SGCZ: variants seen among roughly 807,000 people sequenced by gnomAD.
SGCZ encodes the protein sarcoglycan zeta.
In SGCZ, 40 loss-of-function variants were observed where a neutral mutation model predicts 41.3. The observed-to-expected ratio is 0.97, with a 90% CI of 0.75 to 1.26. The LOEUF is 1.26. Among genes scored for constraint, SGCZ ranks in the 50% most tolerant of loss-of-function variants. SGCZ has a pLI of 0.00. For synonymous variants in SGCZ, 206 were observed against 137.5 expected, an observed-to-expected ratio of 1.50 and a Z score of -3.49; for missense variants, 552 against 369.8, an observed-to-expected ratio of 1.49 and a Z score of -4.04.
chr8:14,943,739 C>A (rs572613318), intron 1 of SGCZ, among the ~76,000 whole-genome samples: 1 of 152,240 alleles, frequency 6.6e-6, no homozygotes, highest in South Asian at 2.1e-4. Flanking sequence ...CCAAACTTCA[C>A]CCTCAAGTAG....
intron 2 of SGCZ, among the ~76,000 whole-genome samples, chr8:14,398,102 T>C (rs562281138): frequency 6.6e-6 from 1 of 152,150 alleles, no homozygotes; most frequent in African/African-American, 2.4e-5. Context: ...TCAATTGACA[T>C]CAAGTAGTCT....
At chr8:14,097,008 C>G (rs1474938954) in intron 7 of SGCZ, among the ~76,000 whole-genome samples, 2 of 151,860 alleles carry the variant, frequency 1.3e-5, no homozygotes, top group African/African-American at 4.8e-5. Context: ...CTTTATTAGT[C>G]TGGCTAGCGG....
At chr8:14,977,942 G>C (rs1242413746) in intron 1 of SGCZ, among the ~76,000 whole-genome samples, 4 of 150,586 alleles carry the variant, frequency 2.7e-5, no homozygotes, top group Non-Finnish European at 5.9e-5. Context: ...TCTAAATATT[G>C]TTTATTTTTT....
chr8:15,002,656 C>G (rs769166973), intron 1 of SGCZ, among the ~76,000 whole-genome samples: 4 of 152,074 alleles, frequency 2.6e-5, no homozygotes, highest in African/African-American at 4.8e-5. Flanking sequence ...CCTTCTCAAG[C>G]TTTTTGGGGG....
At chr8:14,671,677 A>T (rs988281746) in intron 1 of SGCZ, among the ~76,000 whole-genome samples, 5 of 152,166 alleles carry the variant, frequency 3.3e-5, no homozygotes, top group African/African-American at 1.2e-4. Flanking sequence ...CTTAACATTC[A>T]AACCATGCAT....
At chr8:14,372,528 A>G (rs1803951994) in intron 2 of SGCZ, among the ~76,000 whole-genome samples, 1 of 152,180 alleles carries the variant, frequency 6.6e-6, no homozygotes, top group African/African-American at 2.4e-5. Flanking sequence ...GCTGGTAAAA[A>G]GGGCCATGAA....
At chr8:14,861,899 A>C (rs990035981) in intron 1 of SGCZ, among the ~76,000 whole-genome samples, 1 of 152,158 alleles carries the variant, frequency 6.6e-6, no homozygotes, top group Non-Finnish European at 1.5e-5. Context: ...AGGATGGAAA[A>C]TACATGTAAT....
At chr8:14,310,087 G>A (rs13255247) in intron 3 of SGCZ, among the ~76,000 whole-genome samples, 6 of 151,902 alleles carry the variant, frequency 3.9e-5, no homozygotes, top group Non-Finnish European at 7.4e-5. Context: ...TATTTTGCTG[G>A]TTTGAAAGAT....
chr8:15,107,688 C>T (rs1256196405), intron 1 of SGCZ, among the ~76,000 whole-genome samples: 1 of 152,056 alleles, frequency 6.6e-6, no homozygotes, highest in African/African-American at 2.4e-5. Flanking sequence ...GTTACCCAGC[C>T]TCAGGTATTC....
At chr8:15,197,379 T>G (rs953881905) in intron 1 of SGCZ, among the ~76,000 whole-genome samples, 2 of 152,202 alleles carry the variant, frequency 1.3e-5, no homozygotes, top group Non-Finnish European at 2.9e-5. Flanking sequence ...TCACGAAAAC[T>G]AAGTTTCATT....
intron 2 of SGCZ, among the ~76,000 whole-genome samples, chr8:14,483,080 C>T (rs1374441342): frequency 6.6e-6 from 1 of 152,148 alleles, no homozygotes; most frequent in African/African-American, 2.4e-5. Flanking sequence ...TCCACAGGCT[C>T]TATCTCTTAC....
At chr8:15,081,293 G>A (rs1327203892) in intron 1 of SGCZ, among the ~76,000 whole-genome samples, 2 of 152,142 alleles carry the variant, frequency 1.3e-5, no homozygotes, top group African/African-American at 4.8e-5. Flanking sequence ...GACAAAAGGA[G>A]TAATGTCATT....
intron 1 of SGCZ, among the ~76,000 whole-genome samples, chr8:14,855,713 T>A (rs1803525231): frequency 6.6e-6 from 1 of 152,200 alleles, no homozygotes; most frequent in Non-Finnish European, 1.5e-5. Flanking sequence ...TAGGAATTTT[T>A]CCCAGAAATA....
At chr8:14,951,375 C>G (rs952169894) in intron 1 of SGCZ, among the ~76,000 whole-genome samples, 4 of 151,890 alleles carry the variant, frequency 2.6e-5, no homozygotes, top group Admixed American at 2.6e-4. Flanking sequence ...ATTTAAATCA[C>G]TATAGTGCAT....
At chr8:14,628,186 T>C (rs1490784072) in intron 1 of SGCZ, among the ~76,000 whole-genome samples, 3 of 151,734 alleles carry the variant, frequency 2.0e-5, no homozygotes, top group Admixed American at 6.6e-5. Context: ...AAGGTGGGGG[T>C]TGCTGTTTGT....
intron 1 of SGCZ, among the ~76,000 whole-genome samples, chr8:14,946,749 C>T (rs568455917): frequency 6.7e-6 from 1 of 149,740 alleles, no homozygotes; most frequent in African/African-American, 2.5e-5. Flanking sequence ...AATCTCAGCT[C>T]ACTGCAACCT....
At chr8:14,433,817 C>T (rs1341528026) in intron 2 of SGCZ, among the ~76,000 whole-genome samples, 1 of 152,072 alleles carries the variant, frequency 6.6e-6, no homozygotes, top group Non-Finnish European at 1.5e-5. Context: ...CTGAAATGTC[C>T]GTTTTGGAAA....
intron 5 of SGCZ, among the ~76,000 whole-genome samples, chr8:14,141,269 G>A (rs1279467761): frequency 6.6e-6 from 1 of 152,064 alleles, no homozygotes; most frequent in Non-Finnish European, 1.5e-5. Context: ...AAGAACTTCA[G>A]GACTAAAACA....
At chr8:14,678,523 A>G (rs1048269327) in intron 1 of SGCZ, among the ~76,000 whole-genome samples, 1 of 152,224 alleles carries the variant, frequency 6.6e-6, no homozygotes, top group Admixed American at 6.5e-5. Flanking sequence ...CAAAACCATA[A>G]TATTGACAAC....
Sources: allele counts gnomAD v4.1 joint callset (sites outside exome capture counted in the v4.1 genomes callset), GRCh38; gene constraint gnomAD v4.1.1; transcripts MANE v1.5; gene names NCBI Gene and HGNC (gene_info 2026-07-23, HGNC 2026-07-21).